The following APPBP2 variants were observed in gnomAD, a reference collection of about 807,000 sequenced individuals.
The protein encoded by APPBP2 is amyloid protein-binding protein 2.
APPBP2 carries 15 observed loss-of-function variants against 76.0 expected under a neutral mutation model. The observed-to-expected ratio is 0.20, with a 90% CI of 0.13 to 0.30. The LOEUF (loss-of-function observed/expected upper bound fraction) is 0.30, where lower values mean the gene tolerates loss of function less well. APPBP2 is among the 10% of genes least tolerant of loss of function. APPBP2 has a pLI of 1.00. For missense variants in APPBP2, 401 were observed against 687.2 expected (o/e 0.58, Z 4.66); for synonymous variants, 222 against 242.2 (o/e 0.92, Z 0.77).
In APPBP2 at chr17:60,447,406, T is replaced by C; in HGVS notation, c.*175A>G. On this transcript the variant is annotated 3_prime_UTR_variant, in exon 13 of 13. Transcript: ENST00000083182. ...GGTACATGCTGAATATAACTGAATATATGCTTATTCCTACAGACATTCTGC... is the reference window on the plus strand; with the variant it reads ...GGTACATGCTGAATATAACTGAATACATGCTTATTCCTACAGACATTCTGC... The C allele has an allele frequency of 3.2e-6, 2 of 628,024 alleles. No homozygotes were observed. The highest frequency in any genetic ancestry group is 5.3e-6 in the Non-Finnish European group (2 of 378,330). 38.9% of individuals were successfully genotyped at this position (628,024 alleles called of 1,614,324 possible).
intron 4 of APPBP2, among the ~76,000 whole-genome samples, chr17:60,470,452 G>A (rs2090543929): frequency 6.6e-6 from 1 of 152,086 alleles, no homozygotes; most frequent in African/African-American, 2.4e-5. Flanking sequence ...TTTTAATAGA[G>A]ACAAGGTCTT....
At chr17:60,456,438 A>G (rs998688685) in intron 9 of APPBP2, 57 bp from the exon 10 acceptor site, 2 of 1,132,442 alleles carry the variant, frequency 1.8e-6, no homozygotes, top group Non-Finnish European at 2.7e-6. Context: ...TGATTTAGGA[A>G]TTTTAAAAAT....
chr17:60,520,570 T>TA (rs781626784), intron 1 of APPBP2, among the ~76,000 whole-genome samples: 5,012 of 99,782 alleles, frequency 0.05, 107 homozygotes, highest in South Asian at 0.065. Flanking sequence ...AAGACTCTGT[T>TA]AAAAAAAAAA....
Position 60,483,692 on chromosome 17 carries a change from C to T in APPBP2, c.380-4421G>A, listed in dbSNP as rs535605294. ...ACAGGCGTGAGCCACCGCACCTAGC[C>T]GATGGTAGTTTCTTTTGCTGTGCAG... On this transcript the variant is annotated intron_variant, in intron 3 of 12. Coordinates refer to ENST00000083182, the MANE Select transcript of APPBP2 (RefSeq NM_006380.5). Among the ~76,000 whole-genome samples, 13 of 152,070 alleles carry T rather than the reference C, an allele frequency of 8.5e-5. No homozygotes were observed. The South Asian group carries it at 2.1e-3, about 24-fold the overall frequency.
intron 3 of APPBP2, among the ~76,000 whole-genome samples, chr17:60,490,302 G>C (rs1467083046): frequency 6.6e-6 from 1 of 152,108 alleles, no homozygotes. Flanking sequence ...TGACCACTGG[G>C]GGAAGCTGGA....
chr17:60,515,855 T>C (rs2090958980), intron 1 of APPBP2, among the ~76,000 whole-genome samples: 1 of 152,024 alleles, frequency 6.6e-6, no homozygotes, highest in Admixed American at 6.6e-5. Context: ...AAGAGTAATA[T>C]AAAAAGTCAA....
At chr17:60,520,377 A>G (rs1277067795) in intron 1 of APPBP2, among the ~76,000 whole-genome samples, 1 of 152,176 alleles carries the variant, frequency 6.6e-6, no homozygotes, top group African/African-American at 2.4e-5. Flanking sequence ...GTTCAAGACC[A>G]GCCTGGCCAA....
At chr17:60,485,851 A>C (rs7214403) in intron 3 of APPBP2, among the ~76,000 whole-genome samples, 12,460 of 151,964 alleles carry the variant, frequency 0.082, 1,676 homozygotes, top group African/African-American at 0.28. Context: ...CTATAAATTT[A>C]CCTCTACACA....
At chr17:60,490,211 G>A (rs1431521845) in intron 3 of APPBP2, among the ~76,000 whole-genome samples, 2 of 152,146 alleles carry the variant, frequency 1.3e-5, no homozygotes, top group Non-Finnish European at 1.5e-5. Flanking sequence ...TGAAAACTAA[G>A]TAAGGCCAGT....
chr17:60,514,980 G>C (rs2090950944), intron 1 of APPBP2, among the ~76,000 whole-genome samples: 1 of 151,496 alleles, frequency 6.6e-6, no homozygotes, highest in African/African-American at 2.4e-5. Context: ...ATTTCTGTAT[G>C]TTTAGTAGAG....
In APPBP2 at chr17:60,487,486, G is replaced by A. The variant is rs150897160; in HGVS notation, c.379+6980C>T. ...ACCCTTTCTTCCACTAGATCGAATCGGCTACTGAAGCATGTGCATGTGTCA... is the reference window on the plus strand; with the variant it reads ...ACCCTTTCTTCCACTAGATCGAATCAGCTACTGAAGCATGTGCATGTGTCA... On this transcript the variant is annotated intron_variant, in intron 3 of 12. Transcript: ENST00000083182. Among the ~76,000 whole-genome samples, 652 of 151,624 alleles carry A rather than the reference G, an allele frequency of 4.3e-3. 3 individuals are homozygous for A. The highest frequency in any genetic ancestry group is 0.01 in the Middle Eastern group (3 of 292).
At chr17:60,505,515 C>T (rs1164562144) in intron 1 of APPBP2, among the ~76,000 whole-genome samples, 1 of 151,678 alleles carries the variant, frequency 6.6e-6, no homozygotes, top group Non-Finnish European at 1.5e-5. Flanking sequence ...CGGGGCTTCA[C>T]GGTGTTAGCC....
At chr17:60,448,444 CAGAG>C (rs1474994461) in intron 12 of APPBP2, among the ~76,000 whole-genome samples, 1 of 152,326 alleles carries the variant, frequency 6.6e-6, no homozygotes, top group South Asian at 2.1e-4. Context: ...GCTTGGGTGA[CAGAG>C]AGAGACTCCG....
Position 60,525,939 on chromosome 17 carries a change from C to CCCTCCTCCTCCG in APPBP2, c.-20_-9dup, listed in dbSNP as rs761177545. 1.1e-4 allele frequency: 176 copies of CCCTCCTCCTCCG among 1,593,390 alleles called. No individual in the cohort carries two copies. Among genetic ancestry groups the CCCTCCTCCTCCG allele is most frequent in the Middle Eastern group, 3.4e-4 (2 of 5,968 alleles). The stretch of plus-strand genomic sequence containing the variant: ...TAGTTCCACGGCCGCCATCTTCCTT[C>CCCTCCTCCTCCG]CCTCCTCCTCCGCCTCCTCCGCCTC... On this transcript the variant is annotated 5_prime_UTR_variant, in exon 1 of 13. Transcript: ENST00000083182.
chr17:60,471,167 T>TCCA, intron 4 of APPBP2, among the ~76,000 whole-genome samples: 2 of 152,120 alleles, frequency 1.3e-5, no homozygotes, highest in African/African-American at 4.8e-5. Flanking sequence ...TTAATTGACA[T>TCCA]GTGATTTGCA....
intron 9 of APPBP2, among the ~76,000 whole-genome samples, chr17:60,458,545 T>C (rs1274435759): frequency 6.6e-6 from 1 of 152,178 alleles, no homozygotes; most frequent in African/African-American, 2.4e-5. Context: ...GAGGGCCAGA[T>C]AGTAAATATT....
chr17:60,510,240 C>T (rs946613802), intron 1 of APPBP2, among the ~76,000 whole-genome samples: 4 of 151,688 alleles, frequency 2.6e-5, no homozygotes, highest in African/African-American at 9.7e-5. Flanking sequence ...CCCAACTCCA[C>T]AAAAAATAAA....
At chr17:60,494,419 T>G in intron 3 of APPBP2, 47 bp downstream of exon 3, 1 of 1,579,510 alleles carries the variant, frequency 6.3e-7, no homozygotes, top group Non-Finnish European at 8.6e-7. Flanking sequence ...CAGATTTAAT[T>G]CTGAGTCCAT....
intron 12 of APPBP2, among the ~76,000 whole-genome samples, chr17:60,449,612 C>CA (rs34903661): frequency 1.3e-5 from 2 of 150,346 alleles, no homozygotes; most frequent in African/African-American, 2.4e-5. Context: ...AAAACAAAAC[C>CA]AAAAAAAAGT....
Sources: allele counts gnomAD v4.1 joint callset (sites outside exome capture counted in the v4.1 genomes callset), GRCh38; gene constraint gnomAD v4.1.1; transcripts MANE v1.5; gene names NCBI Gene and HGNC (gene_info 2026-07-23, HGNC 2026-07-21).